Variants in GMDS observed in about 807,000 individuals in gnomAD.
The protein encoded by GMDS is GDP-mannose 4,6-dehydratase, also known as GDP-mannose 4,6 dehydratase.
Under a neutral mutation model 49.9 loss-of-function variants are expected in GMDS, and 20 were observed. The observed-to-expected ratio is 0.40, with a 90% CI of 0.28 to 0.58. The LOEUF (loss-of-function observed/expected upper bound fraction) is 0.58, where lower values mean the gene tolerates loss of function less well. GMDS is among the 20% of genes least tolerant of loss of function. The pLI, the probability that GMDS is intolerant of heterozygous loss-of-function variation, is 0.42. For missense variants in GMDS, 362 were observed against 481.4 expected (o/e 0.75, Z 2.32); for synonymous variants, 177 against 178.6 (o/e 0.99, Z 0.07).
chr6:1,729,313 A>T (rs923781130), intron 8 of GMDS, among the ~76,000 whole-genome samples: 2 of 152,206 alleles, frequency 1.3e-5, no homozygotes, highest in African/African-American at 4.8e-5. Flanking sequence ...GGCACTCAAC[A>T]GGCACCAGCT....
At chr6:1,851,557 T>C (rs994944915) in intron 7 of GMDS, among the ~76,000 whole-genome samples, 1 of 152,034 alleles carries the variant, frequency 6.6e-6, no homozygotes, top group Non-Finnish European at 1.5e-5. Context: ...GCAGACCCCA[T>C]ACTGGACAGC....
intron 2 of GMDS, among the ~76,000 whole-genome samples, chr6:2,122,590 G>C (rs559206868): frequency 6.6e-5 from 10 of 152,088 alleles, no homozygotes; most frequent in Non-Finnish European, 1.2e-4. Flanking sequence ...CATTTACTTT[G>C]ACCTAAGCAT....
intron 1 of GMDS, among the ~76,000 whole-genome samples, chr6:2,145,820 A>C (rs995217134): frequency 6.4e-4 from 98 of 152,326 alleles, no homozygotes; most frequent in African/African-American, 2.2e-3. Context: ...TTGGGCCCAG[A>C]GTTCAGGACC....
At chr6:1,867,757 C>T (rs937003570) in intron 7 of GMDS, among the ~76,000 whole-genome samples, 1 of 151,952 alleles carries the variant, frequency 6.6e-6, no homozygotes, top group African/African-American at 2.4e-5. Flanking sequence ...GTCAGTAAAT[C>T]AAAAGAAAAG....
At chr6:2,221,658 G>A (rs1012656049) in intron 1 of GMDS, among the ~76,000 whole-genome samples, 1 of 152,206 alleles carries the variant, frequency 6.6e-6, no homozygotes, top group African/African-American at 2.4e-5. Context: ...AAAGTGCTGG[G>A]ATTACAGGAG....
intron 1 of GMDS, among the ~76,000 whole-genome samples, chr6:2,237,926 T>C (rs1781439121): frequency 6.6e-6 from 1 of 152,096 alleles, no homozygotes; most frequent in Non-Finnish European, 1.5e-5. Context: ...TTAACATCAA[T>C]CATGAAACTA....
chr6:1,760,039 C>T (rs964404760), intron 7 of GMDS, among the ~76,000 whole-genome samples: 3 of 152,156 alleles, frequency 2.0e-5, no homozygotes, highest in Non-Finnish European at 4.4e-5. Context: ...AGGCGTGAGA[C>T]TGTCACCGGG....
At chr6:1,658,833 C>T (rs1763973806) in intron 9 of GMDS, among the ~76,000 whole-genome samples, 1 of 152,104 alleles carries the variant, frequency 6.6e-6, no homozygotes, top group African/African-American at 2.4e-5. Flanking sequence ...CAGCCAAGCT[C>T]GCAGTTACAA....
In GMDS at chr6:1,640,769, A is replaced by G. The variant is rs978574350; in HGVS notation, c.988-16229T>C. ...TGTCAGTAAACAGGCAATCAAGGAA[A>G]CAATCAGGTGGTTACAAGGCCTCTG... is the stretch of plus-strand genomic sequence containing the variant. On this transcript the variant is annotated intron_variant, in intron 9 of 10. Coordinates refer to ENST00000380815, the MANE Select transcript of GMDS (RefSeq NM_001500.4). This position sits in a 1 kb window ranked among gnomAD's most constrained non-coding sequence, Gnocchi z 4.0. Among the ~76,000 whole-genome samples the G allele has an allele frequency of 2.0e-5, 3 of 152,158 alleles. No homozygotes were observed. Among genetic ancestry groups the G allele is most frequent in the African/African-American group, 7.2e-5 (3 of 41,426 alleles).
intron 4 of GMDS, among the ~76,000 whole-genome samples, chr6:2,022,958 G>GT (rs1187969677): frequency 3.3e-5 from 5 of 152,108 alleles, no homozygotes; most frequent in South Asian, 2.1e-4. Context: ...TAATTAGAGG[G>GT]TTTTTTTAAT....
intron 7 of GMDS, among the ~76,000 whole-genome samples, chr6:1,875,364 T>G (rs1359165827): frequency 6.6e-6 from 1 of 151,728 alleles, no homozygotes; most frequent in Non-Finnish European, 1.5e-5. Flanking sequence ...ACTGGAAAGA[T>G]ATGTATCAAC....
chr6:1,966,965 C>G (rs777115682), intron 4 of GMDS, among the ~76,000 whole-genome samples: 7 of 152,130 alleles, frequency 4.6e-5, no homozygotes, highest in Non-Finnish European at 8.8e-5. Context: ...AGTCCTCCCC[C>G]ACCTGGCACC....
At chr6:1,682,206 CTTTAT>C (rs1481333498) in intron 9 of GMDS, among the ~76,000 whole-genome samples, 1 of 152,174 alleles carries the variant, frequency 6.6e-6, no homozygotes, top group Non-Finnish European at 1.5e-5. Context: ...CATGATATGT[CTTTAT>C]TTTATTCTAT....
chr6:1,950,591 G>A (rs1034928091), intron 6 of GMDS, among the ~76,000 whole-genome samples: 3 of 152,074 alleles, frequency 2.0e-5, no homozygotes, highest in African/African-American at 7.2e-5. Flanking sequence ...TGTTTTCTTT[G>A]GTGTTCACGT....
At chr6:1,981,090 G>C (rs1031676216) in intron 4 of GMDS, among the ~76,000 whole-genome samples, 1 of 152,024 alleles carries the variant, frequency 6.6e-6, no homozygotes, top group South Asian at 2.1e-4. Context: ...CAAAAAGCTA[G>C]AAAGATCTCA....
intron 1 of GMDS, among the ~76,000 whole-genome samples, chr6:2,237,151 T>C (rs1227151635): frequency 6.6e-6 from 1 of 152,202 alleles, no homozygotes; most frequent in Non-Finnish European, 1.5e-5. Context: ...AACTCAATTC[T>C]ACATAAGTAA....
At chr6:1,744,264 G>C (rs1767399186) in intron 7 of GMDS, among the ~76,000 whole-genome samples, 1 of 152,110 alleles carries the variant, frequency 6.6e-6, no homozygotes, top group South Asian at 2.1e-4. Flanking sequence ...ATATGCTTTG[G>C]AGATGTGGCA....
At chr6:2,065,937 C>T (rs988163461) in intron 4 of GMDS, among the ~76,000 whole-genome samples, 1 of 152,142 alleles carries the variant, frequency 6.6e-6, no homozygotes, top group African/African-American at 2.4e-5. Flanking sequence ...AAAGATACTG[C>T]TCAAGAAGAG....
chr6:2,175,550 A>G (rs1287159252), intron 1 of GMDS, among the ~76,000 whole-genome samples: 2 of 152,228 alleles, frequency 1.3e-5, no homozygotes, highest in African/African-American at 4.8e-5. Context: ...CAGCTTGGGA[A>G]GAACCAAGAA....
Sources: allele counts gnomAD v4.1 joint callset (sites outside exome capture counted in the v4.1 genomes callset), GRCh38; gene constraint gnomAD v4.1.1; non-coding constraint Gnocchi (gnomAD v3.1); transcripts MANE v1.5; gene names NCBI Gene and HGNC (gene_info 2026-07-23, HGNC 2026-07-21).